The following FCMR variants were observed in gnomAD, a reference collection of about 807,000 sequenced individuals.
The protein encoded by FCMR is Fc mu receptor.
FCMR carries 34 observed loss-of-function variants against 41.6 expected under a neutral mutation model. The ratio of observed to expected loss-of-function variants is 0.82; its 90% CI spans 0.62 to 1.09. The LOEUF (loss-of-function observed/expected upper bound fraction) is 1.09, where lower values mean the gene tolerates loss of function less well. Among genes scored for constraint, FCMR ranks in the 50% least tolerant of loss-of-function variants. The probability of loss-of-function intolerance (pLI) is 0.00; values close to 1 mark genes in which losing one functional copy is unlikely to be tolerated. For missense variants in FCMR, 496 were observed against 512.5 expected, an observed-to-expected ratio of 0.97 and a Z score of 0.31; for synonymous variants, 209 against 211.8, an observed-to-expected ratio of 0.99 and a Z score of 0.12.
At chr1:206,916,654 C>G (rs1217093763) in intron 1 of FCMR, among the ~76,000 whole-genome samples, 2 of 152,240 alleles carry the variant, frequency 1.3e-5, no homozygotes, top group Admixed American at 6.5e-5. Flanking sequence ...TAGTTCTCCT[C>G]AAGTTCATGG....
chr1:206,918,951 T>G (rs1424872553), intron 1 of FCMR, among the ~76,000 whole-genome samples: 2 of 152,094 alleles, frequency 1.3e-5, no homozygotes, highest in Non-Finnish European at 2.9e-5. Flanking sequence ...TATTTTTAAG[T>G]TATAAATCAA....
chr1:206,905,294 G>A (rs41305102), intron 7 of FCMR, 147 bp from the exon 8 acceptor site: 201 of 843,328 alleles, frequency 2.4e-4, no homozygotes, highest in Non-Finnish European at 3.4e-4. Flanking sequence ...GCTCCATCAA[G>A]TGGAGTAGCC....
At chr1:206,914,429 TTTC>T (rs1409390112) in intron 1 of FCMR, among the ~76,000 whole-genome samples, 2 of 140,528 alleles carry the variant, frequency 1.4e-5, no homozygotes, top group African/African-American at 2.7e-5. Context: ...CCTTCCTTCC[TTTC>T]TTTTCTTTTT....
Position 206,909,982 on chromosome 1 carries a change from T to A in FCMR, c.842-114A>T. The stretch of plus-strand genomic sequence containing the variant: ...GGCTTGGCAGTGTCTGACCTGGAGA[T>A]GCTCCAAGCGTGGGGAATGTACGAG... On this transcript the variant is annotated intron_variant, in intron 5 of 7. Transcript: ENST00000367091. The surrounding 1 kb of genome is among the most constrained non-coding windows in gnomAD (Gnocchi z 5.0). The A allele has an allele frequency of 8.1e-7, 1 of 1,239,404 alleles. No homozygotes were observed. Among genetic ancestry groups the A allele is most frequent in the Non-Finnish European group, 1.1e-6 (1 of 947,820 alleles). 76.8% of individuals were successfully genotyped at this position (1,239,404 alleles called of 1,614,324 possible).
At chr1:206,910,056 T>A in intron 5 of FCMR, 154 bp downstream of exon 5, 1 of 1,129,134 alleles carries the variant, frequency 8.9e-7, no homozygotes, top group South Asian at 1.8e-5. Context: ...GCCGCTCTCC[T>A]CCTCAGACCA....
intron 1 of FCMR, among the ~76,000 whole-genome samples, chr1:206,918,439 A>C (rs973213662): frequency 6.6e-6 from 1 of 152,140 alleles, no homozygotes; most frequent in South Asian, 2.1e-4. Context: ...TGTGATCTCC[A>C]GTCTTCCTCT....
In FCMR at chr1:206,904,851, G is replaced by A. The variant is rs1164102559; in HGVS notation, c.*168C>T. On this transcript the variant is annotated 3_prime_UTR_variant, in exon 8 of 8. Transcript: ENST00000367091. ...CCAAGGTGTGCAAGACGACCTGGGG[G>A]CAGAGCCATGCTCAGGGCACAGATA... 2 of 734,166 alleles carry A rather than the reference G, an allele frequency of 2.7e-6. No homozygotes were observed. Among genetic ancestry groups the A allele is most frequent in the African/African-American group, 1.7e-5 (1 of 57,526 alleles). The allele number at this position is 734,166 out of a possible 1,614,324, so 45.5% of individuals were successfully genotyped here.
chr1:206,910,174 C>T, intron 5 of FCMR, 36 bp downstream of exon 5: 1 of 1,544,814 alleles, frequency 6.5e-7, no homozygotes, highest in South Asian at 1.3e-5. Context: ...GCTCTTTGGG[C>T]AGCTCAGCTC....
intron 1 of FCMR, chr1:206,917,935 T>C (rs1490730839): frequency 1.0e-5 from 4 of 399,242 alleles, no homozygotes; most frequent in African/African-American, 8.6e-5. Context: ...TCTTTAGAAA[T>C]CCCTCAGTTG....
Position 206,914,077 on chromosome 1 carries a change from T to A in FCMR, c.55A>T (p.Ile19Phe), listed in dbSNP as rs1679071780. The A allele has an allele frequency of 6.2e-7, 1 of 1,613,686 alleles. No individual in the cohort carries two copies. The highest frequency in any genetic ancestry group is 1.7e-5 in the Admixed American group (1 of 59,988). ...CCCTCTACCTTTACTTCTGGGAGGA[T>A]CCTCAGGGCCCCCGATACTGCAGGG... ...YFLPVSGALR[I>F]LPEVKVEGEL... Residue 19 changes from isoleucine to phenylalanine, a missense_variant, in exon 2 of 8, where the codon ATC (isoleucine) becomes TTC (phenylalanine). By Grantham distance (21) the Ile-to-Phe change is conservative. Coordinates refer to ENST00000367091, the MANE Select transcript of FCMR (RefSeq NM_005449.5).
chr1:206,909,352 T>C lies in FCMR; in HGVS notation c.1044+110A>G. 1.9e-6 allele frequency: 1 copy of C among 540,492 alleles called. No homozygotes were observed. Among genetic ancestry groups the C allele is most frequent in the Non-Finnish European group, 2.8e-6 (1 of 355,592 alleles). 33.5% of individuals were successfully genotyped at this position (540,492 alleles called of 1,614,324 possible). Reference sequence around the variant, plus strand: ...GCCCAGGAGCTGCTGGGAAACCCGCTCTCCGGATCGCGGCGGCGGCGGCGC... The same window carrying C: ...GCCCAGGAGCTGCTGGGAAACCCGCCCTCCGGATCGCGGCGGCGGCGGCGC... On this transcript the variant is annotated intron_variant, in intron 7 of 7. Transcript: ENST00000367091. The surrounding 1 kb of genome is among the most constrained non-coding windows in gnomAD (Gnocchi z 5.0).
intron 1 of FCMR, chr1:206,921,532 AC>A: frequency 2.0e-6 from 1 of 509,814 alleles, no homozygotes. Flanking sequence ...ACCCAGGAGT[AC>A]AAGACTGCAG....
rs1362669412 is a variant in FCMR at position 206,910,358 on chromosome 1, G to C, written c.711-18C>G. On this transcript the variant is annotated intron_variant, in intron 4 of 7. Coordinates refer to ENST00000367091, the MANE Select transcript of FCMR (RefSeq NM_005449.5). Reference sequence around the variant, plus strand: ...CCAGTGCTCTGGGGAGGGAAGGAAAGGGAGAGAGGGAGGAAGAGATTATTA... The same window carrying C: ...CCAGTGCTCTGGGGAGGGAAGGAAACGGAGAGAGGGAGGAAGAGATTATTA... 3.3e-6 allele frequency: 5 copies of C among 1,519,948 alleles called. No homozygotes were observed. The highest frequency in any genetic ancestry group is 4.4e-6 in the Non-Finnish European group (5 of 1,132,430). The allele number at this position is 1,519,948 out of a possible 1,614,324, so 94.2% of individuals were successfully genotyped here. A position where few individuals can be genotyped will look rare whatever the true frequency, so the allele number is the denominator to read the frequency against.
intron 7 of FCMR, 89 bp from the exon 8 acceptor site, chr1:206,905,236 T>A: frequency 6.9e-7 from 1 of 1,443,464 alleles, no homozygotes. Context: ...CAATGGGGCA[T>A]GGACATGGCT....
chr1:206,914,053 C>T lies in FCMR; in HGVS notation c.79G>A (p.Gly27Arg). 2 of 1,614,182 alleles carry T rather than the reference C, an allele frequency of 1.2e-6. No homozygotes were observed. Among genetic ancestry groups the T allele is most frequent in the Non-Finnish European group, 1.7e-6 (2 of 1,180,026 alleles). The change falls in exon 2 of 8, where the codon GGG becomes AGG. Residue 27 changes from glycine to arginine, a missense_variant. Physicochemically the swap from Gly to Arg is moderately radical, Grantham distance 125. Transcript: ENST00000367091. ...LRILPEVKVEGELGGSVTIKC... is the reference protein window; with the variant it reads ...LRILPEVKVERELGGSVTIKC... ...ATGGTAACTGATCCGCCCAGCTCCCCCTCTACCTTTACTTCTGGGAGGATC... is the reference window on the plus strand; with the variant it reads ...ATGGTAACTGATCCGCCCAGCTCCCTCTCTACCTTTACTTCTGGGAGGATC...
At position 206,909,513 on chromosome 1, in the gene FCMR, C is replaced by T; in HGVS notation, c.993G>A (p.Gly331=). ...RARGADAAGT[G]EAPVPGPGAP... ...CTCCGGGGCCGGGAACGGGGGCCTC[C>T]CCTGTGCCTAGGGAACAGCGAGGGC... The change falls in exon 7 of 8, where the codon GGG becomes GGA. Residue 331 remains glycine, a synonymous_variant. Transcript: ENST00000367091. The surrounding 1 kb of genome is among the most constrained non-coding windows in gnomAD (Gnocchi z 5.0). 2 of 1,308,132 alleles carry T rather than the reference C, an allele frequency of 1.5e-6. No individual in the cohort carries two copies. Among genetic ancestry groups the T allele is most frequent in the Non-Finnish European group, 1.9e-6 (2 of 1,030,996 alleles). 81.0% of individuals were successfully genotyped at this position (1,308,132 alleles called of 1,614,324 possible).
Position 206,910,222 on chromosome 1 carries a change from C to G in FCMR, c.829G>C (p.Glu277Gln), listed in dbSNP as rs1225201506. ...LLGLVVKRAV[E>Q]RRKALSRRAR... ...CCCAGCCGCTCACCTTTCCTCCTTTCAACGGCCCTTTTCACCACCAGCCCC... is the reference window on the plus strand; with the variant it reads ...CCCAGCCGCTCACCTTTCCTCCTTTGAACGGCCCTTTTCACCACCAGCCCC... The change falls in exon 5 of 8, where the codon GAA becomes CAA. Residue 277 changes from glutamate to glutamine, a missense_variant. Physicochemically the swap from Glu to Gln is conservative, Grantham distance 29 (BLOSUM62 2). Transcript: ENST00000367091. 1 of 1,602,588 alleles carries G rather than the reference C, an allele frequency of 6.2e-7. No individual in the cohort carries two copies. The highest frequency in any genetic ancestry group is 8.5e-7 in the Non-Finnish European group (1 of 1,175,560).
chr1:206,922,186 T>C (rs895485003), upstream of FCMR, among the ~76,000 whole-genome samples: 2 of 152,198 alleles, frequency 1.3e-5, no homozygotes, highest in Non-Finnish European at 2.9e-5. Context: ...GTCTTGGTGC[T>C]TTTTCTTAGC....
chr1:206,905,769 G>T (rs1678611209), intron 7 of FCMR, among the ~76,000 whole-genome samples: 2 of 152,166 alleles, frequency 1.3e-5, no homozygotes, highest in South Asian at 4.1e-4. Flanking sequence ...GGCCACAAGG[G>T]GGACAGTTAT....
Sources: gnomAD v4.1 joint callset for allele counts (sites outside exome capture counted in the v4.1 genomes callset) on GRCh38, gnomAD v4.1.1 for gene constraint, Gnocchi (gnomAD v3.1) non-coding constraint, MANE v1.5 for transcripts, NCBI Gene and HGNC (gene_info 2026-07-23, HGNC 2026-07-21) for gene names.